Variants in PPFIA2 observed in about 807,000 individuals in gnomAD.
PPFIA2 encodes liprin-alpha-2.
Under a neutral mutation model 175.5 loss-of-function variants are expected in PPFIA2, and 46 were observed. That is an observed-to-expected ratio of 0.26 (90% CI 0.21 to 0.34). The LOEUF is 0.34. Ranked by LOEUF, PPFIA2 falls within the 10% of genes least tolerant of loss-of-function variation. The pLI is 1.00. For missense variants in PPFIA2, 1,179 were observed against 1,506.1 expected (o/e 0.78, Z 3.60); for synonymous variants, 568 against 511.4 (o/e 1.11, Z -1.49).
chr12:81,292,765 C>G (rs781362943), intron 24 of PPFIA2: 2 of 152,004 alleles, frequency 1.3e-5, no homozygotes, highest in Admixed American at 6.6e-5. Context: ...CCCTTAACTC[C>G]TATCTTATTC....
At chr12:81,606,665 T>C (rs2060355414) in intron 4 of PPFIA2, among the ~76,000 whole-genome samples, 2 of 152,108 alleles carry the variant, frequency 1.3e-5, no homozygotes, top group Admixed American at 1.3e-4. Flanking sequence ...ATGAGGTTAT[T>C]TGTTTTTTGC....
intron 4 of PPFIA2, among the ~76,000 whole-genome samples, chr12:81,491,323 A>G (rs1387672106): frequency 1.3e-5 from 2 of 151,844 alleles, no homozygotes; most frequent in Non-Finnish European, 1.5e-5. Flanking sequence ...CTTATCACAA[A>G]TCCTTGTTTG....
At chr12:81,692,729 T>C (rs1409733980) in intron 3 of PPFIA2, among the ~76,000 whole-genome samples, 3 of 152,114 alleles carry the variant, frequency 2.0e-5, no homozygotes, top group Non-Finnish European at 4.4e-5. Flanking sequence ...ATATGAATCA[T>C]AAAATTGTAC....
chr12:81,275,276 A>G (rs1241864567), intron 28 of PPFIA2, among the ~76,000 whole-genome samples: 2 of 152,236 alleles, frequency 1.3e-5, no homozygotes, highest in Non-Finnish European at 2.9e-5. Flanking sequence ...ATGGAAAAGC[A>G]CTTTCGTGCT....
Position 81,631,243 on chromosome 12 carries a change from AT to A in PPFIA2, c.303+45547del, listed in dbSNP as rs540879347. Among the ~76,000 whole-genome samples the A allele has an allele frequency of 2.6e-5, 4 of 152,210 alleles. No homozygotes were observed. In the South Asian group the frequency reaches 8.3e-4, roughly 32 times the overall value. ...ACCTGATTCTTATTATTAGATATTGATTTTAATGCTACTAGCAATGTTATCC... is the reference window on the plus strand; with the variant it reads ...ACCTGATTCTTATTATTAGATATTGATTTAATGCTACTAGCAATGTTATCC... On this transcript the variant is annotated intron_variant, in intron 4 of 32. Transcript: ENST00000549396.
intron 4 of PPFIA2, among the ~76,000 whole-genome samples, chr12:81,552,105 T>A (rs1279264003): frequency 1.3e-5 from 2 of 151,644 alleles, no homozygotes; most frequent in African/African-American, 4.8e-5. Flanking sequence ...ATAATTTCAA[T>A]AATATTTATC....
intron 4 of PPFIA2, among the ~76,000 whole-genome samples, chr12:81,496,955 G>C (rs2060088981): frequency 6.6e-6 from 1 of 152,166 alleles, no homozygotes; most frequent in African/African-American, 2.4e-5. Flanking sequence ...AGACACGAGA[G>C]GCTCTAAAAT....
intron 4 of PPFIA2, among the ~76,000 whole-genome samples, chr12:81,511,519 T>G (rs1315381928): frequency 3.3e-5 from 5 of 152,096 alleles, no homozygotes. Context: ...TAAAAAGGAC[T>G]GTACAGGATT....
intron 7 of PPFIA2, chr12:81,430,709 T>C (rs1439775477): frequency 1.3e-5 from 2 of 152,150 alleles, no homozygotes; most frequent in Non-Finnish European, 2.9e-5. Context: ...TTTCCAGTTT[T>C]CCATTTAATT....
rs1350565017 is a variant in PPFIA2, at chr12:81,754,214, C to T, written c.8G>A (p.Cys3Tyr). 3.8e-6 allele frequency: 6 copies of T among 1,598,844 alleles called. No individual in the cohort carries two copies. Among genetic ancestry groups the T allele is most frequent in the Non-Finnish European group, 5.1e-6 (6 of 1,171,138 alleles). ...CTCATTAATCGTGGGCATCACTTCA[C>T]ACATCATTGCTTAAAGAAAGTAAGT... is the stretch of plus-strand genomic sequence containing the variant. MM[C>Y]EVMPTINEDT... The change falls in exon 3 of 33, where the codon TGT becomes TAT. Residue 3 changes from cysteine (C) to tyrosine (Y), a missense_variant. Around this residue, in one of 10 missense-constraint regions of PPFIA2, gnomAD observed 128 missense variants for 141.4 expected, o/e 0.91. Coordinates refer to ENST00000549396, the MANE Select transcript of PPFIA2 (RefSeq NM_003625.5).
chr12:81,444,079 C>T (rs1000707548), intron 6 of PPFIA2, among the ~76,000 whole-genome samples: 2 of 151,672 alleles, frequency 1.3e-5, no homozygotes, highest in East Asian at 3.9e-4. Flanking sequence ...TGGTCTCGAT[C>T]TCCTGACCTC....
chr12:81,648,479 G>A (rs1158649263), intron 4 of PPFIA2, among the ~76,000 whole-genome samples: 1 of 151,796 alleles, frequency 6.6e-6, no homozygotes, highest in Non-Finnish European at 1.5e-5. Flanking sequence ...AAACAATTTT[G>A]AGAAAATTTT....
chr12:81,718,796 G>A (rs1037189199), intron 3 of PPFIA2, among the ~76,000 whole-genome samples: 7 of 151,622 alleles, frequency 4.6e-5, no homozygotes, highest in African/African-American at 1.7e-4. Context: ...GCAAAACTGT[G>A]AGAGGATGAG....
intron 3 of PPFIA2, among the ~76,000 whole-genome samples, chr12:81,678,896 C>T (rs906686682): frequency 6.6e-6 from 1 of 151,738 alleles, no homozygotes; most frequent in African/African-American, 2.4e-5. Context: ...CCACCCTCTC[C>T]ATCCTGTTCA....
chr12:81,651,992 C>A (rs978237846), intron 4 of PPFIA2, among the ~76,000 whole-genome samples: 4 of 151,580 alleles, frequency 2.6e-5, no homozygotes, highest in African/African-American at 9.7e-5. Flanking sequence ...TAACAAGATG[C>A]GACCGTAGGC....
chr12:81,462,585 C>CATATATATATATATATATACATATAT (rs1555402549), intron 4 of PPFIA2, among the ~76,000 whole-genome samples: 1 of 124,680 alleles, frequency 8.0e-6, no homozygotes, highest in Admixed American at 8.8e-5. Flanking sequence ...TATATATATA[C>CATATATATATATATATATACATATAT]ATATATATAT....
chr12:81,282,389 C>G (rs1186808083), intron 26 of PPFIA2, among the ~76,000 whole-genome samples: 1 of 151,988 alleles, frequency 6.6e-6, no homozygotes, highest in Admixed American at 6.6e-5. Context: ...CCTAATGTAA[C>G]TACCAAATTT....
rs769600103 is a variant in PPFIA2, at chr12:81,374,797, T to TA, written c.1132-30dup. 226 of 1,595,180 alleles carry TA rather than the reference T, an allele frequency of 1.4e-4. 4 individuals carry two copies. Among genetic ancestry groups the TA allele is most frequent in the Non-Finnish European group, 3.9e-5 (46 of 1,169,154 alleles). On this transcript the variant is annotated intron_variant, in intron 10 of 32. Transcript: ENST00000549396. Reference sequence around the variant, plus strand: ...AAATGGGAATGGGAGCAGAGACACTTAAAGAGTCAGAGTTTGGATAGCAAA... The same window carrying TA: ...AAATGGGAATGGGAGCAGAGACACTTAAAAGAGTCAGAGTTTGGATAGCAAA...
At chr12:81,514,912 ATC>A (rs2062219128) in intron 4 of PPFIA2, among the ~76,000 whole-genome samples, 1 of 151,872 alleles carries the variant, frequency 6.6e-6, no homozygotes, top group African/African-American at 2.4e-5. Flanking sequence ...ATAGAGAAGA[ATC>A]TCTGGTGGAT....
Sources: gnomAD v4.1 joint callset for allele counts (sites outside exome capture counted in the v4.1 genomes callset) on GRCh38, gnomAD v4.1.1 for gene constraint, gnomAD v4.1.1 regional missense constraint, MANE v1.5 for transcripts, NCBI Gene and HGNC (gene_info 2026-07-23, HGNC 2026-07-21) for gene names.